FAM13A: variants seen among roughly 807,000 people sequenced by gnomAD.
FAM13A encodes the protein protein FAM13A.
In FAM13A, 76 loss-of-function variants were observed where a neutral mutation model predicts 129.6. That is an observed-to-expected ratio of 0.59 (90% CI 0.49 to 0.71). The LOEUF (loss-of-function observed/expected upper bound fraction) is 0.71, where lower values mean the gene tolerates loss of function less well. FAM13A is among the 30% of genes least tolerant of loss of function. The pLI is 0.00. For synonymous variants in FAM13A, 443 were observed against 449.9 expected, an observed-to-expected ratio of 0.98 and a Z score of 0.20; for missense variants, 1,108 against 1,249.3, an observed-to-expected ratio of 0.89 and a Z score of 1.70.
At chr4:88,891,773 T>G (rs2150166323) in intron 6 of FAM13A, among the ~76,000 whole-genome samples, 1 of 152,296 alleles carries the variant, frequency 6.6e-6, no homozygotes, top group African/African-American at 2.4e-5. Flanking sequence ...ACAAAAACTC[T>G]TAGCAAACTA....
intron 5 of FAM13A, among the ~76,000 whole-genome samples, chr4:88,930,037 T>G (rs1345927896): frequency 6.6e-6 from 1 of 151,434 alleles, no homozygotes; most frequent in Non-Finnish European, 1.5e-5. Context: ...CCGAGCTCAT[T>G]TTTTTTTTAA....
In FAM13A at chr4:88,840,140, T is replaced by C. The variant is rs149538600; in HGVS notation, c.1007+10880A>G. On this transcript the variant is annotated intron_variant, in intron 7 of 23. Coordinates refer to ENST00000264344, the MANE Select transcript of FAM13A (RefSeq NM_014883.4). ...AAACCAGGAGACTGTAATGTTACAT[T>C]AAGCAAAGTGAAGAAAGTGCTTCAA... 1.5e-4 allele frequency among the ~76,000 whole-genome samples: 23 copies of C among 152,308 alleles called. No homozygotes were observed. In the East Asian group the frequency reaches 4.4e-3, roughly 29 times the overall value.
intron 4 of FAM13A, among the ~76,000 whole-genome samples, chr4:88,966,379 G>T (rs1759351662): frequency 6.6e-6 from 1 of 152,022 alleles, no homozygotes; most frequent in Admixed American, 6.6e-5. Context: ...ATATGGCAGG[G>T]ACTATGTTCT....
intron 10 of FAM13A, among the ~76,000 whole-genome samples, chr4:88,782,896 C>T (rs1723224496): frequency 6.6e-6 from 1 of 152,130 alleles, no homozygotes; most frequent in South Asian, 2.1e-4. Flanking sequence ...TTCTAAAACT[C>T]AAAAATTATT....
intron 1 of FAM13A, among the ~76,000 whole-genome samples, chr4:89,054,894 AC>A (rs1772031049): frequency 6.6e-6 from 1 of 152,092 alleles, no homozygotes; most frequent in African/African-American, 2.4e-5. Context: ...TGCTCTTTGA[AC>A]CCATTCATTC....
chr4:88,764,095 T>C (rs891955718), intron 13 of FAM13A, among the ~76,000 whole-genome samples: 1 of 152,248 alleles, frequency 6.6e-6, no homozygotes, highest in African/African-American at 2.4e-5. Context: ...TGATAACTAA[T>C]ATTAATTCTC....
chr4:89,010,515 G>C (rs537241763), intron 3 of FAM13A, among the ~76,000 whole-genome samples: 2 of 152,156 alleles, frequency 1.3e-5, no homozygotes, highest in Non-Finnish European at 2.9e-5. Flanking sequence ...CTGAGGAGCT[G>C]AAGCACTTTA....
intron 5 of FAM13A, among the ~76,000 whole-genome samples, chr4:88,919,017 C>T (rs1032713005): frequency 9.9e-5 from 15 of 152,198 alleles, no homozygotes; most frequent in African/African-American, 3.4e-4. Flanking sequence ...TTTTGATTGT[C>T]TTAAGCCACC....
At chr4:89,019,968 A>C (rs1767022916) in intron 3 of FAM13A, among the ~76,000 whole-genome samples, 1 of 152,070 alleles carries the variant, frequency 6.6e-6, no homozygotes, top group South Asian at 2.1e-4. Flanking sequence ...TTGTTCTCTA[A>C]TGTTTTCTAA....
At chr4:88,830,526 G>T (rs1733724335) in intron 7 of FAM13A, among the ~76,000 whole-genome samples, 1 of 152,096 alleles carries the variant, frequency 6.6e-6, no homozygotes, top group African/African-American at 2.4e-5. Context: ...TTATTTATTA[G>T]ATTTATCCAG....
rs376972142 is a variant in FAM13A at position 89,007,798 on chromosome 4, A to T, written c.427+12662T>A. Among the ~76,000 whole-genome samples the T allele has an allele frequency of 6.6e-5, 10 of 152,370 alleles. No individual in the cohort carries two copies. The East Asian group carries it at 1.7e-3, about 26-fold the overall frequency. ...GCACATGCTATAAGCACTTTCTTCA[A>T]AATGGAGATTATACTGCCAATATCA... On this transcript the variant is annotated intron_variant, in intron 3 of 23. Coordinates refer to ENST00000264344, the MANE Select transcript of FAM13A (RefSeq NM_014883.4).
At chr4:88,729,180 T>C (rs1737079376) in intron 23 of FAM13A, 1 of 153,156 alleles carries the variant, frequency 6.5e-6, no homozygotes, top group Non-Finnish European at 1.5e-5. Flanking sequence ...TATTATTGAG[T>C]AACTTTACAT....
chr4:89,029,727 A>C (rs752278794), intron 1 of FAM13A, 78 bp from the exon 2 acceptor site: 1 of 1,179,630 alleles, frequency 8.5e-7, no homozygotes, highest in Non-Finnish European at 1.2e-6. Context: ...GAAACACCTG[A>C]ATTAAAATGT....
At chr4:88,843,257 C>T (rs1355809440) in intron 7 of FAM13A, among the ~76,000 whole-genome samples, 4 of 152,164 alleles carry the variant, frequency 2.6e-5, no homozygotes, top group South Asian at 2.1e-4. Context: ...CTGAAGCGCA[C>T]GCTGTGCTTG....
chr4:88,825,379 C>T (rs1040241253), intron 7 of FAM13A, among the ~76,000 whole-genome samples: 1 of 151,328 alleles, frequency 6.6e-6, no homozygotes, highest in Non-Finnish European at 1.5e-5. Context: ...CCATGCCCCC[C>T]CTAATTTTTG....
At chr4:88,985,898 CA>C (rs1762178711) in intron 4 of FAM13A, among the ~76,000 whole-genome samples, 1 of 148,118 alleles carries the variant, frequency 6.8e-6, no homozygotes, top group Admixed American at 6.7e-5. Flanking sequence ...AGATAAAAAG[CA>C]AAGTGAAGAA....
chr4:88,814,835 T>A (rs953682704), intron 7 of FAM13A, among the ~76,000 whole-genome samples: 9 of 152,036 alleles, frequency 5.9e-5, no homozygotes, highest in Non-Finnish European at 1.3e-4. Flanking sequence ...AAGTTCAAGT[T>A]TTCTGAAGTC....
intron 3 of FAM13A, among the ~76,000 whole-genome samples, 156 bp from the exon 4 acceptor site, chr4:88,991,306 T>A (rs139552761): frequency 1.1e-3 from 175 of 152,282 alleles, no homozygotes; most frequent in Non-Finnish European, 2.1e-3. Flanking sequence ...AAAGAATTAC[T>A]AACTTACTGT....
chr4:88,925,741 T>C (rs1167201943), intron 5 of FAM13A, among the ~76,000 whole-genome samples: 2 of 150,274 alleles, frequency 1.3e-5, no homozygotes, highest in Admixed American at 6.6e-5. Flanking sequence ...GAAATGCCAA[T>C]GTATAAGTAA....
Sources: gnomAD v4.1 joint callset for allele counts (sites outside exome capture counted in the v4.1 genomes callset) on GRCh38, gnomAD v4.1.1 for gene constraint, MANE v1.5 for transcripts, NCBI Gene and HGNC (gene_info 2026-07-23, HGNC 2026-07-21) for gene names.